The following MCF2 variants were observed in gnomAD, a reference collection of about 807,000 sequenced individuals.
MCF2 encodes the protein MCF.2 cell line derived transforming sequence.
A neutral mutation model predicts 82.5 loss-of-function variants in MCF2; 44 were observed. The observed-to-expected ratio is 0.53, with a 90% confidence interval of 0.42 to 0.69. MCF2 has a LOEUF of 0.69. Ranked by LOEUF, MCF2 falls within the 30% of genes least tolerant of loss-of-function variation. The probability of loss-of-function intolerance (pLI) is 0.00; values close to 1 mark genes in which losing one functional copy is unlikely to be tolerated. For missense variants in MCF2, 623 were observed against 663.1 expected (o/e 0.94, Z 0.66); for synonymous variants, 217 against 224.9 (o/e 0.96, Z 0.32).
Position 139,636,994 on chromosome X carries a change from T to C in MCF2, c.52-4540A>G, listed in dbSNP as rs1019935357. On this transcript the variant is annotated intron_variant, in intron 1 of 24. Coordinates refer to ENST00000370576, the Ensembl canonical transcript of MCF2. ...CATTCCTTAATTCCTTCAAAATGTT[T>C]AGTAATTCACTTGTCACAAAAAGCC... 2.7e-5 allele frequency among the ~76,000 whole-genome samples: 3 copies of C among 111,813 alleles called. No homozygotes were observed. The Admixed American group carries it at 2.8e-4, about 11-fold the overall frequency.
chrX:139,634,280 ATAAAC>A (rs746767340), intron 1 of MCF2, among the ~76,000 whole-genome samples: 12 of 112,303 alleles, frequency 1.1e-4, no homozygotes, highest in South Asian at 7.5e-4. Flanking sequence ...AAACAAAACT[ATAAAC>A]TAAGAATAAG....
chrX:139,671,786 A>T (rs1329464755), intron 1 of MCF2, among the ~76,000 whole-genome samples: 2 of 111,791 alleles, frequency 1.8e-5, no homozygotes, highest in East Asian at 5.6e-4. Flanking sequence ...AGGATTGTCT[A>T]GGCAATGGAG....
intron 1 of MCF2, among the ~76,000 whole-genome samples, chrX:139,696,225 G>A (rs2148581706): frequency 9.0e-6 from 1 of 111,050 alleles, no homozygotes; most frequent in Non-Finnish European, 1.9e-5. Flanking sequence ...CTCCTGAGTA[G>A]GACACAGGGA....
upstream of MCF2, chrX:139,645,514 A>C (rs1440707339): frequency 2.7e-6 from 2 of 740,609 alleles, no homozygotes; most frequent in Non-Finnish European, 4.0e-6. Flanking sequence ...CCAAAACAGA[A>C]AGTATAATAT....
rs1932755967 is a variant in MCF2 at position 139,626,177 on chromosome X, A to C, written c.687+16T>G. On this transcript the variant is annotated intron_variant, in intron 6 of 24. Transcript: ENST00000370576. ...GTGTAATGAAAAAAGGTATACAAAG[A>C]AATGTTTTAACTGACCTGTTGAAAA... 9.7e-7 allele frequency: 1 copy of C among 1,033,800 alleles called. No individual in the cohort carries two copies. The highest frequency in any genetic ancestry group is 2.5e-5 in the Admixed American group (1 of 39,936). 85.2% of individuals were successfully genotyped at this position (1,033,800 alleles called of 1,213,427 possible).
At position 139,692,734 on chromosome X, in the gene MCF2, G is replaced by T. The variant is rs1028317575; in HGVS notation, c.-45+15372C>A. ...TCGGCGCAAGGGAGTTACACTGTGT[G>T]AGCACATGCAGGTGGCCCTGTCAGG... On this transcript the variant is annotated intron_variant, in intron 1 of 27. Coordinates refer to the MCF2 transcript ENST00000414978. Among the ~76,000 whole-genome samples the T allele has an allele frequency of 3.6e-5, 4 of 112,399 alleles. No homozygotes were observed. In the Admixed American group the frequency reaches 3.7e-4, roughly 10 times the overall value.
chrX:139,677,002 C>T (rs1934882992), intron 1 of MCF2, among the ~76,000 whole-genome samples: 1 of 111,587 alleles, frequency 9.0e-6, no homozygotes, highest in South Asian at 3.8e-4. Flanking sequence ...TAAACAGAAA[C>T]ATCTGAAACT....
At chrX:139,669,690 A>G (rs1476194961) in intron 1 of MCF2, among the ~76,000 whole-genome samples, 1 of 112,501 alleles carries the variant, frequency 8.9e-6, no homozygotes, top group Non-Finnish European at 1.9e-5. Flanking sequence ...CAGCATATCC[A>G]TACAGTGGAA....
At chrX:139,608,814 AACTGAGGCTCAG>A (rs1389966174) in intron 11 of MCF2, among the ~76,000 whole-genome samples, 1 of 111,764 alleles carries the variant, frequency 8.9e-6, no homozygotes, top group Non-Finnish European at 1.9e-5. Context: ...AATATGGGAA[AACTGAGGCTCAG>A]ACAGATTTTA....
chrX:139,654,586 T>A (rs1235331630), intron 1 of MCF2, among the ~76,000 whole-genome samples: 1 of 112,286 alleles, frequency 8.9e-6, no homozygotes, highest in African/African-American at 3.2e-5. Context: ...TCTTTCATTC[T>A]GTGAATTGTC....
rs780887382 is a variant in MCF2, at chrX:139,589,884, C to T, written c.2321G>A (p.Arg774His). Reference sequence around the variant, plus strand: ...TTCACCATACCAGATTTCAAACTTGCGGTTATCACCTTTTACATATTCAGT... The same window carrying T: ...TTCACCATACCAGATTTCAAACTTGTGGTTATCACCTTTTACATATTCAGT... The change falls in exon 20 of 25, where the codon CGC (arginine) becomes CAC (histidine). Residue 774 changes from arginine (R) to histidine (H), a missense_variant. Transcript: ENST00000370576. 12 of 1,194,189 alleles carry T rather than the reference C, an allele frequency of 1.0e-5. No individual in the cohort carries two copies. Among genetic ancestry groups the T allele is most frequent in the Middle Eastern group, 2.3e-4 (1 of 4,313 alleles).
exon 12 of MCF2, chrX:139,607,735 T>G (rs760840149): frequency 8.3e-7 from 1 of 1,207,251 alleles, no homozygotes; most frequent in East Asian, 3.0e-5. Flanking sequence ...AACTGGAGGA[T>G]GGACCAGAAC....
chrX:139,642,488 T>C, exon 1 of MCF2: 7 of 1,211,506 alleles, frequency 5.8e-6, no homozygotes, highest in Non-Finnish European at 7.8e-6. Context: ...CTGAACCTCA[T>C]CTTGCCTCTC....
At chrX:139,632,292 A>G (rs1260643096) in intron 2 of MCF2, 43 bp downstream of exon 5, 6 of 1,088,946 alleles carry the variant, frequency 5.5e-6, no homozygotes, top group Non-Finnish European at 7.5e-6. Flanking sequence ...ACAGGTCTTC[A>G]TGAGAATTAG....
intron 16 of MCF2, among the ~76,000 whole-genome samples, chrX:139,599,543 C>T (rs1194560677): frequency 9.0e-6 from 1 of 110,561 alleles, no homozygotes; most frequent in Non-Finnish European, 1.9e-5. Context: ...CTCTTCCCTG[C>T]CCTCCACAAA....
intron 2 of MCF2, among the ~76,000 whole-genome samples, chrX:139,649,154 A>G (rs1226681093): frequency 8.9e-6 from 1 of 112,516 alleles, no homozygotes; most frequent in Non-Finnish European, 1.9e-5. Flanking sequence ...CTCAATATTT[A>G]CCAAGGGAAA....
intron 19 of MCF2, among the ~76,000 whole-genome samples, chrX:139,594,991 G>A (rs1451406329): frequency 7.2e-5 from 8 of 110,626 alleles, no homozygotes; most frequent in Non-Finnish European, 1.5e-4. Context: ...CACCATCACT[G>A]GCCATCAGAG....
chrX:139,701,926 C>T (rs965989798), intron 1 of MCF2, among the ~76,000 whole-genome samples: 1 of 111,893 alleles, frequency 8.9e-6, no homozygotes, highest in Non-Finnish European at 1.9e-5. Flanking sequence ...CAAACTTAAC[C>T]TTGTACACTT....
intron 1 of MCF2, among the ~76,000 whole-genome samples, chrX:139,689,763 C>T (rs5954217): frequency 2.3e-4 from 25 of 109,851 alleles, no homozygotes; most frequent in African/African-American, 5.6e-4. Flanking sequence ...ACTCATGCAT[C>T]ACTCTCTCCA....
Sources: allele counts gnomAD v4.1 joint callset (sites outside exome capture counted in the v4.1 genomes callset), GRCh38; gene constraint gnomAD v4.1.1; transcripts MANE v1.5; gene names NCBI Gene and HGNC (gene_info 2026-07-23, HGNC 2026-07-21).